Variants in GALNT1 observed in about 807,000 individuals in gnomAD.
GALNT1 encodes GalNAc transferase 1.
Under a neutral mutation model 65.7 loss-of-function variants are expected in GALNT1, and 17 were observed. The ratio of observed to expected loss-of-function variants is 0.26; its 90% CI spans 0.18 to 0.39. The LOEUF is 0.39. Ranked by LOEUF, GALNT1 falls within the 10% of genes least tolerant of loss-of-function variation. The pLI, the probability that GALNT1 is intolerant of heterozygous loss-of-function variation, is 1.00. For synonymous variants in GALNT1, 210 were observed against 219.7 expected, an observed-to-expected ratio of 0.96 and a Z score of 0.39; for missense variants, 460 against 672.8, an observed-to-expected ratio of 0.68 and a Z score of 3.50.
At chr18:35,689,789 A>G (rs564865894) in intron 7 of GALNT1, among the ~76,000 whole-genome samples, 65 of 152,336 alleles carry the variant, frequency 4.3e-4, no homozygotes, top group African/African-American at 1.4e-3. Context: ...CAGTCTACAT[A>G]TAAAGTCTTT....
At chr18:35,650,195 A>G (rs2047291867) in intron 1 of GALNT1, among the ~76,000 whole-genome samples, 1 of 152,144 alleles carries the variant, frequency 6.6e-6, no homozygotes, top group Admixed American at 6.5e-5. Context: ...TAAAGCTGGG[A>G]GTCTGGGGGA....
intron 1 of GALNT1, among the ~76,000 whole-genome samples, chr18:35,635,672 T>C (rs925750593): frequency 6.6e-6 from 1 of 152,196 alleles, no homozygotes; most frequent in Non-Finnish European, 1.5e-5. Flanking sequence ...ATATTCTAAA[T>C]GTAGAAACAA....
chr18:35,654,824 G>C, intron 2 of GALNT1, 23 bp downstream of exon 2: 1 of 1,516,766 alleles, frequency 6.6e-7, no homozygotes. Flanking sequence ...TTATAATAGA[G>C]CTGTTTTAAC....
intron 1 of GALNT1, among the ~76,000 whole-genome samples, chr18:35,605,073 A>C (rs115863137): frequency 6.6e-6 from 1 of 152,224 alleles, no homozygotes; most frequent in Non-Finnish European, 1.5e-5. Flanking sequence ...TTAGGAGTTA[A>C]GAAGGTGAGG....
At chr18:35,699,926 A>C (rs1042384592) in intron 9 of GALNT1, among the ~76,000 whole-genome samples, 1 of 152,140 alleles carries the variant, frequency 6.6e-6, no homozygotes, top group Non-Finnish European at 1.5e-5. Flanking sequence ...AGCTATATGG[A>C]ATTACAATTT....
intron 3 of GALNT1, among the ~76,000 whole-genome samples, chr18:35,675,976 A>G (rs1201691206): frequency 6.6e-6 from 1 of 152,228 alleles, no homozygotes; most frequent in Non-Finnish European, 1.5e-5. Context: ...AATTATATAC[A>G]TAAATATTCT....
intron 3 of GALNT1, among the ~76,000 whole-genome samples, chr18:35,674,453 A>G (rs765090064): frequency 3.9e-5 from 6 of 152,166 alleles, no homozygotes; most frequent in African/African-American, 7.2e-5. Context: ...ACCGCACAGT[A>G]TGAGGGAGAG....
chr18:35,700,423 G>A (rs1363548368), intron 9 of GALNT1, among the ~76,000 whole-genome samples: 4 of 152,108 alleles, frequency 2.6e-5, no homozygotes, highest in Non-Finnish European at 5.9e-5. Flanking sequence ...CTGGGTCTCT[G>A]ACCATGCCAC....
intron 1 of GALNT1, among the ~76,000 whole-genome samples, chr18:35,612,503 A>AT (rs1162848950): frequency 1.3e-5 from 2 of 152,184 alleles, no homozygotes; most frequent in Middle Eastern, 3.2e-3. Flanking sequence ...AGCATCATAA[A>AT]TTTTTTAGCA....
chr18:35,617,349 G>T (rs2046797365), intron 1 of GALNT1, among the ~76,000 whole-genome samples: 1 of 152,192 alleles, frequency 6.6e-6, no homozygotes, highest in Non-Finnish European at 1.5e-5. Context: ...ACCAGTGTAT[G>T]CAGTATTTGG....
chr18:35,684,700 A>C (rs1248020905), intron 5 of GALNT1, among the ~76,000 whole-genome samples: 2 of 152,226 alleles, frequency 1.3e-5, no homozygotes, highest in Non-Finnish European at 2.9e-5. Flanking sequence ...TTTTAAATGC[A>C]TCATTGAGTT....
chr18:35,667,228 C>T (rs1256130301), intron 3 of GALNT1, among the ~76,000 whole-genome samples: 1 of 152,120 alleles, frequency 6.6e-6, no homozygotes, highest in African/African-American at 2.4e-5. Flanking sequence ...ATTATGTTAT[C>T]AAATATGCTG....
At chr18:35,687,315 C>A in intron 6 of GALNT1, 129 bp downstream of exon 6, 2 of 748,500 alleles carry the variant, frequency 2.7e-6, no homozygotes, top group Non-Finnish European at 4.0e-6. Context: ...TGGTAGTTAA[C>A]AGCCATCTTT....
intron 11 of GALNT1, among the ~76,000 whole-genome samples, chr18:35,707,166 T>C (rs570502250): frequency 6.6e-6 from 1 of 152,362 alleles, no homozygotes; most frequent in East Asian, 1.9e-4. Flanking sequence ...GCTCTTTTGC[T>C]TTGACTACTT....
At chr18:35,583,966 G>T (rs1187943691) in intron 1 of GALNT1, among the ~76,000 whole-genome samples, 1 of 152,128 alleles carries the variant, frequency 6.6e-6, no homozygotes, top group Non-Finnish European at 1.5e-5. Context: ...AAAAAATTTT[G>T]TATTTTTTTA....
At chr18:35,611,089 G>C (rs2046710294) in intron 1 of GALNT1, among the ~76,000 whole-genome samples, 1 of 152,170 alleles carries the variant, frequency 6.6e-6, no homozygotes, top group African/African-American at 2.4e-5. Flanking sequence ...TTTCAGAACT[G>C]CTGCTGTAGG....
At chr18:35,684,080 G>A (rs2047829222) in intron 5 of GALNT1, among the ~76,000 whole-genome samples, 1 of 152,236 alleles carries the variant, frequency 6.6e-6, no homozygotes, top group Non-Finnish European at 1.5e-5. Context: ...GAACAGTGGT[G>A]TAATGAACAC....
intron 1 of GALNT1, among the ~76,000 whole-genome samples, chr18:35,623,312 A>G (rs2046879316): frequency 6.6e-6 from 1 of 151,754 alleles, no homozygotes; most frequent in Non-Finnish European, 1.5e-5. Flanking sequence ...CCCTGTACAT[A>G]CATTTTTTTT....
rs565290364 is a variant in GALNT1 at position 35,626,307 on chromosome 18, C to T, written c.-103-28253C>T. ...TCAGACTGCTTAGTGTAGTGTTTTG[C>T]ACATATTTGAGAAAGTTTGAGTGAA... On this transcript the variant is annotated intron_variant, in intron 1 of 11. Coordinates refer to ENST00000269195, the MANE Select transcript of GALNT1 (RefSeq NM_020474.4). Among the ~76,000 whole-genome samples the T allele has an allele frequency of 2.0e-5, 3 of 152,204 alleles. No individual in the cohort carries two copies. The South Asian group carries it at 6.2e-4, about 32-fold the overall frequency.
Sources: allele counts gnomAD v4.1 joint callset (sites outside exome capture counted in the v4.1 genomes callset), GRCh38; gene constraint gnomAD v4.1.1; transcripts MANE v1.5; gene names NCBI Gene and HGNC (gene_info 2026-07-23, HGNC 2026-07-21).